RELL2: variants seen among roughly 807,000 people sequenced by gnomAD.
The protein encoded by RELL2 is RELT like 2, also known as RELT-like protein 2.
RELL2 carries 18 observed loss-of-function variants against 27.5 expected under a neutral mutation model. The ratio of observed to expected loss-of-function variants is 0.65; its 90% CI spans 0.45 to 0.97. RELL2 has a LOEUF of 0.97. RELL2 is among the 50% of genes least tolerant of loss of function. RELL2 has a pLI of 0.00. For synonymous variants in RELL2, 156 were observed against 147.5 expected, an observed-to-expected ratio of 1.06 and a Z score of -0.42; for missense variants, 370 against 397.5, an observed-to-expected ratio of 0.93 and a Z score of 0.59.
chr5:141,638,498 T>G (rs1385325320), intron 1 of RELL2, 89 bp downstream of exon 1: 52 of 1,294,342 alleles, frequency 4.0e-5, no homozygotes, highest in Non-Finnish European at 5.2e-5. Context: ...CCAGGCCAAA[T>G]CCTGATCAAA....
chr5:141,639,960 G>C lies in RELL2; in HGVS notation c.544G>C (p.Glu182Gln), dbSNP rs202174311. Residue 182 changes from glutamate to glutamine, a missense_variant, in exon 5 of 7, where the codon GAA (glutamate) becomes CAA (glutamine). Transcript: ENST00000297164. The surrounding 1 kb of genome is among the most constrained non-coding windows in gnomAD (Gnocchi z 4.4). ...THIEKRYGLH[E>Q]HRDGSPTDRS... is the part of the protein sequence containing the mutation. ...CATTGAGAAGCGCTATGGACTGCAC[G>C]AACACCGTGATGGCTCCCCCACAGA... 3 of 1,613,910 alleles carry C rather than the reference G, an allele frequency of 1.9e-6. No individual in the cohort carries two copies. Among genetic ancestry groups the C allele is most frequent in the Non-Finnish European group, 2.5e-6 (3 of 1,180,024 alleles).
rs1435572394 is a variant in RELL2, at chr5:141,639,386, A to G, written c.318-78A>G. 5 of 1,251,478 alleles carry G rather than the reference A, an allele frequency of 4.0e-6. No homozygotes were observed. The highest frequency in any genetic ancestry group is 5.6e-6 in the Non-Finnish European group (5 of 895,324). 77.5% of individuals were successfully genotyped at this position (1,251,478 alleles called of 1,614,324 possible). A position where few individuals can be genotyped will look rare whatever the true frequency, so the allele number is the denominator to read the frequency against. ...TGGGGCTTCTGGGGTTTTAAGGAGCATGCTGAAAGAACGTAAGAAACAAAA... is the reference window on the plus strand; with the variant it reads ...TGGGGCTTCTGGGGTTTTAAGGAGCGTGCTGAAAGAACGTAAGAAACAAAA... On this transcript the variant is annotated intron_variant, in intron 3 of 6. Transcript: ENST00000297164. The surrounding 1 kb of genome is among the most constrained non-coding windows in gnomAD (Gnocchi z 4.4).
rs934575287 is a variant in RELL2 at position 141,637,153 on chromosome 5, T to C, written c.-1073T>C. The C allele has an allele frequency of 9.6e-4, 215 of 223,218 alleles. 3 individuals are homozygous for C. In the South Asian group the frequency reaches 0.013, roughly 13 times the overall value. 13.8% of individuals were successfully genotyped at this position (223,218 alleles called of 1,614,324 possible). ...GGCCGTGGTCACTTCTCTAGGAAGCTCCGAAGATCCCGCCACTCCGTCCCT... is the reference window on the plus strand; with the variant it reads ...GGCCGTGGTCACTTCTCTAGGAAGCCCCGAAGATCCCGCCACTCCGTCCCT... On this transcript the variant is annotated 5_prime_UTR_variant, in exon 1 of 7. Coordinates refer to ENST00000297164, the MANE Select transcript of RELL2 (RefSeq NM_173828.5).
In RELL2 at chr5:141,638,098, C is replaced by T. The variant is rs943157250; in HGVS notation, c.-128C>T. 56 of 680,334 alleles carry T rather than the reference C, an allele frequency of 8.2e-5. No homozygotes were observed. The highest frequency in any genetic ancestry group is 1.3e-4 in the Non-Finnish European group (51 of 389,366). The allele number at this position is 680,334 out of a possible 1,614,324, so 42.1% of individuals were successfully genotyped here. A position where few individuals can be genotyped will look rare whatever the true frequency, so the allele number is the denominator to read the frequency against. ...GGTTGGGTAGGGGGTGGGGCCGGAC[C>T]TCAGCCGGACGTCTTAGACGTGCTT... On this transcript the variant is annotated 5_prime_UTR_variant, in exon 1 of 7. Coordinates refer to ENST00000297164, the MANE Select transcript of RELL2 (RefSeq NM_173828.5).
At chr5:141,640,328 G>A (rs758921383) in intron 5 of RELL2, 33 bp downstream of exon 5, 2 of 1,613,970 alleles carry the variant, frequency 1.2e-6, no homozygotes, top group Non-Finnish European at 1.7e-6. Context: ...GCACTGGGCT[G>A]GGCTCTTATT....
At position 141,640,270 on chromosome 5, in the gene RELL2, G is replaced by C. The variant is rs774311343; in HGVS notation, c.854G>C (p.Ser285Thr). 8.1e-6 allele frequency: 13 copies of C among 1,613,850 alleles called. No homozygotes were observed. The highest frequency in any genetic ancestry group is 1.3e-5 in the African/African-American group (1 of 74,914). Residue 285 changes from serine (S) to threonine (T), a missense_variant, in exon 5 of 7, where the codon AGC becomes ACC. Coordinates refer to ENST00000297164, the MANE Select transcript of RELL2 (RefSeq NM_173828.5). ...ACTCAAGAGGCAAATGGGCAGCCAA[G>C]CAAACCAGACACTTCTGATCACCAG... ...LPTQEANGQP[S>T]KPDTSDHQVS...
Position 141,638,232 on chromosome 5 carries a change from G to A in RELL2, c.7G>A (p.Glu3Lys). 1 of 1,611,816 alleles carries A rather than the reference G, an allele frequency of 6.2e-7. No homozygotes were observed. Among genetic ancestry groups the A allele is most frequent in the Non-Finnish European group, 8.5e-7 (1 of 1,178,910 alleles). The change falls in exon 1 of 7, where the codon GAA (glutamate) becomes AAA (lysine). Residue 3 changes from glutamate to lysine, a missense_variant. Transcript: ENST00000297164. ...GCTCGCCCCCCAGGGCCTCATGTCG[G>A]AACCACAGCCTGACCTGGAACCGCC... MS[E>K]PQPDLEPPQH...
In RELL2 at chr5:141,639,589, G is replaced by T. The variant is rs370251427; in HGVS notation, c.443G>T (p.Arg148Leu). ...SKRPPLVRQG[R>L]SKEGKSRPRT... ...AGGCCTCCACTTGTCCGTCAGGGACGCTCCAAGGAAGGAAAAAGCCGCCCC... is the reference window on the plus strand; with the variant it reads ...AGGCCTCCACTTGTCCGTCAGGGACTCTCCAAGGAAGGAAAAAGCCGCCCC... Residue 148 changes from arginine to leucine, a missense_variant, in exon 4 of 7, where the codon CGC becomes CTC. Arg to Leu is a moderately radical substitution (Grantham distance 102). Transcript: ENST00000297164. The surrounding 1 kb of genome is among the most constrained non-coding windows in gnomAD (Gnocchi z 4.4). The T allele has an allele frequency of 1.9e-6, 3 of 1,613,748 alleles. No homozygotes were observed. The highest frequency in any genetic ancestry group is 3.3e-5 in the Admixed American group (2 of 59,996).
In RELL2 at chr5:141,638,618, A is replaced by G. The variant is rs558757784; in HGVS notation, c.185-177A>G. Among the ~76,000 whole-genome samples, 159 of 152,320 alleles carry G rather than the reference A, an allele frequency of 1.0e-3. 1 individual carries two copies. The highest frequency in any genetic ancestry group is 1.3e-4 in the Non-Finnish European group (9 of 68,030). ...GGGCAGGAACGGTCCTCTGGATGGT[A>G]GTCTTGGGCTTGCATTGGTGTCCCC... is the stretch of plus-strand genomic sequence containing the variant. On this transcript the variant is annotated intron_variant, in intron 1 of 6. Coordinates refer to ENST00000297164, the MANE Select transcript of RELL2 (RefSeq NM_173828.5).
chr5:141,638,090 G>A lies in RELL2; in HGVS notation c.-136G>A, dbSNP rs987709797. The A allele has an allele frequency of 1.5e-5, 10 of 662,302 alleles. No homozygotes were observed. The Admixed American group carries it at 2.3e-4, about 15-fold the overall frequency. The allele number at this position is 662,302 out of a possible 1,614,324, so 41.0% of individuals were successfully genotyped here. ...AGCTCCCTGGTTGGGTAGGGGGTGG[G>A]GCCGGACCTCAGCCGGACGTCTTAG... On this transcript the variant is annotated 5_prime_UTR_variant, in exon 1 of 7. Coordinates refer to ENST00000297164, the MANE Select transcript of RELL2 (RefSeq NM_173828.5).
Position 141,638,829 on chromosome 5 carries a change from G to A in RELL2, c.219G>A (p.Glu73=), listed in dbSNP as rs745412488. ...EDDDMNEDTV[E]RIVRCIIQNE... ...ATGACATGAATGAGGACACAGTAGA[G>A]AGGATTGTTCGCTGCATCATCCAGA... Residue 73 remains glutamate, a synonymous_variant, in exon 2 of 7, where the codon GAG becomes GAA. Coordinates refer to ENST00000297164, the MANE Select transcript of RELL2 (RefSeq NM_173828.5). The A allele has an allele frequency of 1.2e-6, 2 of 1,614,176 alleles. No homozygotes were observed. The highest frequency in any genetic ancestry group is 3.3e-5 in the Admixed American group (2 of 60,028).
chr5:141,637,092 C>T lies in RELL2; in HGVS notation c.-1134C>T. 1 of 308,114 alleles carries T rather than the reference C, an allele frequency of 3.2e-6. No homozygotes were observed. Among genetic ancestry groups the T allele is most frequent in the Non-Finnish European group, 5.9e-6 (1 of 168,662 alleles). 19.1% of individuals were successfully genotyped at this position (308,114 alleles called of 1,614,324 possible). A position where few individuals can be genotyped will look rare whatever the true frequency, so the allele number is the denominator to read the frequency against. On this transcript the variant is annotated 5_prime_UTR_variant, in exon 1 of 7. Coordinates refer to ENST00000297164, the MANE Select transcript of RELL2 (RefSeq NM_173828.5). ...GGGGTCAGATCCTCGGGAAGCCGAG[C>T]CATCCCATCCAGCCGCTTGCCCCAA...
In RELL2 at chr5:141,637,078, C is replaced by G. The variant is rs2099906148; in HGVS notation, c.-1148C>G. 6.2e-6 allele frequency: 2 copies of G among 323,232 alleles called. No homozygotes were observed. The highest frequency in any genetic ancestry group is 1.1e-5 in the Non-Finnish European group (2 of 178,504). 20.0% of individuals were successfully genotyped at this position (323,232 alleles called of 1,614,324 possible). On this transcript the variant is annotated 5_prime_UTR_variant, in exon 1 of 7. Transcript: ENST00000297164. ...TTTGTCTCCGGCCGGGGGTCAGATC[C>G]TCGGGAAGCCGAGCCATCCCATCCA...
Position 141,640,802 on chromosome 5 carries a change from A to C in RELL2, c.*133A>C. On this transcript the variant is annotated 3_prime_UTR_variant, in exon 7 of 7. Coordinates refer to ENST00000297164, the MANE Select transcript of RELL2 (RefSeq NM_173828.5). The stretch of plus-strand genomic sequence containing the variant: ...GCTCTACTTCCACCTGGAGTTGCAC[A>C]GTCTCAGGCTGGGGGCCTCAGGAGA... 1.2e-6 allele frequency: 1 copy of C among 864,174 alleles called. No individual in the cohort carries two copies. Among genetic ancestry groups the C allele is most frequent in the Non-Finnish European group, 1.7e-6 (1 of 573,836 alleles). 53.5% of individuals were successfully genotyped at this position (864,174 alleles called of 1,614,324 possible).
Position 141,638,426 on chromosome 5 carries a change from G to A in RELL2, c.184+17G>A, listed in dbSNP as rs1003125029. ...TTCAGCCCCGTGAGTGAGGAGCCTG[G>A]AACCCTGGCTCAGTCACCTTTCACC... On this transcript the variant is annotated intron_variant, in intron 1 of 6. Coordinates refer to ENST00000297164, the MANE Select transcript of RELL2 (RefSeq NM_173828.5). 1.4e-5 allele frequency: 22 copies of A among 1,596,932 alleles called. No homozygotes were observed. The highest frequency in any genetic ancestry group is 1.9e-5 in the Non-Finnish European group (22 of 1,174,368).
In RELL2 at chr5:141,640,736, T is replaced by A; in HGVS notation, c.*67T>A. 1 of 1,429,654 alleles carries A rather than the reference T, an allele frequency of 7.0e-7. No individual in the cohort carries two copies. Among genetic ancestry groups the A allele is most frequent in the Non-Finnish European group, 9.5e-7 (1 of 1,057,078 alleles). 88.6% of individuals were successfully genotyped at this position (1,429,654 alleles called of 1,614,324 possible). A position where few individuals can be genotyped will look rare whatever the true frequency, so the allele number is the denominator to read the frequency against. ...AGGGGGTGGGTGGGCGTGAAAGCCC[T>A]CCCCTCCACTGGACAGCACTGCCCC... On this transcript the variant is annotated 3_prime_UTR_variant, in exon 7 of 7. Transcript: ENST00000297164.
intron 1 of RELL2, 113 bp from the exon 2 acceptor site, chr5:141,638,682 T>C (rs939119314): frequency 1.3e-5 from 12 of 955,010 alleles, no homozygotes; most frequent in Admixed American, 1.8e-5. Flanking sequence ...TCCAGCATGA[T>C]AGCAAGTAGG....
chr5:141,640,803 G>A lies in RELL2; in HGVS notation c.*134G>A. The A allele has an allele frequency of 2.3e-6, 2 of 858,706 alleles. No homozygotes were observed. The highest frequency in any genetic ancestry group is 1.8e-6 in the Non-Finnish European group (1 of 568,966). The allele number at this position is 858,706 out of a possible 1,614,324, so 53.2% of individuals were successfully genotyped here. The stretch of plus-strand genomic sequence containing the variant: ...CTCTACTTCCACCTGGAGTTGCACA[G>A]TCTCAGGCTGGGGGCCTCAGGAGAG... On this transcript the variant is annotated 3_prime_UTR_variant, in exon 7 of 7. Coordinates refer to ENST00000297164, the MANE Select transcript of RELL2 (RefSeq NM_173828.5).
chr5:141,640,287 G>C lies in RELL2; in HGVS notation c.871G>C (p.Asp291His). The C allele has an allele frequency of 6.2e-7, 1 of 1,613,852 alleles. No homozygotes were observed. Among genetic ancestry groups the C allele is most frequent in the Non-Finnish European group, 8.5e-7 (1 of 1,179,860 alleles). ...NGQPSKPDTS[D>H]HQVSLPQGAG... is the part of the protein sequence containing the mutation. The stretch of plus-strand genomic sequence containing the variant: ...GCAGCCAAGCAAACCAGACACTTCT[G>C]ATCACCAGGTAGGAAAACACAGCCG... The change falls in exon 5 of 7, where the codon GAT (aspartate) becomes CAT (histidine). Residue 291 changes from aspartate (D) to histidine (H), a missense_variant. Coordinates refer to ENST00000297164, the MANE Select transcript of RELL2 (RefSeq NM_173828.5).
Sources: gnomAD v4.1 joint callset for allele counts (sites outside exome capture counted in the v4.1 genomes callset) on GRCh38, gnomAD v4.1.1 for gene constraint, Gnocchi (gnomAD v3.1) non-coding constraint, MANE v1.5 for transcripts, NCBI Gene and HGNC (gene_info 2026-07-23, HGNC 2026-07-21) for gene names.